The following GDA variants were observed in gnomAD, a reference collection of about 807,000 sequenced individuals.
GDA encodes the protein cytoplasmic PSD-95 interactor.
In GDA, 18 loss-of-function variants were observed where a neutral mutation model predicts 59.6. The observed-to-expected ratio is 0.30, with a 90% confidence interval of 0.21 to 0.45. GDA has a LOEUF of 0.45. GDA is among the 20% of genes least tolerant of loss of function. The probability of loss-of-function intolerance (pLI) is 1.00; values close to 1 mark genes in which losing one functional copy is unlikely to be tolerated. For missense variants in GDA, 427 were observed against 552.3 expected (o/e 0.77, Z 2.27); for synonymous variants, 201 against 201.1 (o/e 1.00, Z 0.00).
chr9:72,219,001 C>G (rs1307165525), intron 5 of GDA, among the ~76,000 whole-genome samples: 2 of 152,172 alleles, frequency 1.3e-5, no homozygotes, highest in Non-Finnish European at 2.9e-5. Flanking sequence ...AGAGTAATTA[C>G]TACTTGTTAA....
At chr9:72,173,331 C>T (rs1393487189) in intron 1 of GDA, among the ~76,000 whole-genome samples, 1 of 151,910 alleles carries the variant, frequency 6.6e-6, no homozygotes, top group African/African-American at 2.4e-5. Context: ...TCTGACTTCC[C>T]CTTCTTTTTT....
intron 1 of GDA, among the ~76,000 whole-genome samples, chr9:72,149,975 C>T (rs988848850): frequency 1.3e-5 from 2 of 152,080 alleles, no homozygotes; most frequent in African/African-American, 2.4e-5. Context: ...ACCCCCCGCT[C>T]CCCCGCCCCC....
At chr9:72,252,290 T>C (rs1456348810), downstream of GDA, 4 of 152,546 alleles carry the variant, frequency 2.6e-5, no homozygotes, top group Non-Finnish European at 5.9e-5. Flanking sequence ...GGAAGAGGAA[T>C]TGATTTTACA....
intron 1 of GDA, among the ~76,000 whole-genome samples, chr9:72,188,132 T>G (rs983728218): frequency 5.3e-5 from 8 of 152,170 alleles, no homozygotes; most frequent in African/African-American, 1.9e-4. Flanking sequence ...TTTGGAAAAT[T>G]TGCAGCCTGG....
intron 2 of GDA, among the ~76,000 whole-genome samples, chr9:72,201,357 A>C (rs553043404): frequency 6.6e-6 from 1 of 152,320 alleles, no homozygotes; most frequent in Non-Finnish European, 1.5e-5. Flanking sequence ...TAGTGAATGT[A>C]CATATTCAGG....
intron 6 of GDA, among the ~76,000 whole-genome samples, chr9:72,221,724 G>A (rs1054725005): frequency 3.3e-5 from 5 of 152,202 alleles, no homozygotes; most frequent in African/African-American, 7.2e-5. Context: ...TCTACCTGCC[G>A]ATAGGCCCCA....
chr9:72,159,295 G>T (rs1828318151), intron 1 of GDA, among the ~76,000 whole-genome samples: 1 of 152,190 alleles, frequency 6.6e-6, no homozygotes, highest in African/African-American at 2.4e-5. Flanking sequence ...TCAGGAGGCT[G>T]AGGGGGAAGA....
At chr9:72,163,561 C>T (rs1275710194) in intron 1 of GDA, among the ~76,000 whole-genome samples, 1 of 151,282 alleles carries the variant, frequency 6.6e-6, no homozygotes, top group Non-Finnish European at 1.5e-5. Context: ...GGCACGATCT[C>T]GGCTCACTGC....
At chr9:72,238,205 T>G (rs1448039778) in intron 10 of GDA, among the ~76,000 whole-genome samples, 1 of 152,176 alleles carries the variant, frequency 6.6e-6, no homozygotes, top group African/African-American at 2.4e-5. Context: ...CTGACTATCC[T>G]CTCTATAAAT....
At chr9:72,178,542 C>T (rs574473819) in intron 1 of GDA, among the ~76,000 whole-genome samples, 16 of 151,958 alleles carry the variant, frequency 1.1e-4, no homozygotes, top group East Asian at 5.8e-4. Context: ...CCTAGCCTCC[C>T]GAGTAGCTGG....
At chr9:72,193,158 A>AT (rs34139960) in intron 1 of GDA, among the ~76,000 whole-genome samples, 32,362 of 148,766 alleles carry the variant, frequency 0.22, 4,158 homozygotes, top group East Asian at 0.56. Context: ...TGGTTAGGTC[A>AT]TTTTTTTTTT....
intron 1 of GDA, among the ~76,000 whole-genome samples, chr9:72,170,949 T>G (rs374223824): frequency 2.1e-4 from 32 of 152,144 alleles, no homozygotes; most frequent in Admixed American, 1.0e-3. Flanking sequence ...CCCAAGTACC[T>G]GGGACTACAG....
At chr9:72,155,352 C>T (rs1827768779) in intron 1 of GDA, among the ~76,000 whole-genome samples, 1 of 152,092 alleles carries the variant, frequency 6.6e-6, no homozygotes, top group Non-Finnish European at 1.5e-5. Flanking sequence ...AAGTTATCGC[C>T]CACTGGGTTC....
In GDA at chr9:72,237,437, T is replaced by C. The variant is rs943093804; in HGVS notation, c.989-3715T>C. Among the ~76,000 whole-genome samples, 5 of 152,336 alleles carry C rather than the reference T, an allele frequency of 3.3e-5. No homozygotes were observed. In the East Asian group the frequency reaches 9.6e-4, roughly 29 times the overall value. ...AGCACCTTCGTTCTTCCCTTCTTTC[T>C]CTTCTCTGAAGGCTGATTCTCTTCC... is the stretch of plus-strand genomic sequence containing the variant. On this transcript the variant is annotated intron_variant, in intron 10 of 13. Coordinates refer to ENST00000358399, the MANE Select transcript of GDA (RefSeq NM_004293.5).
intron 1 of GDA, among the ~76,000 whole-genome samples, chr9:72,170,737 A>G (rs1358074772): frequency 6.6e-6 from 1 of 152,210 alleles, no homozygotes; most frequent in African/African-American, 2.4e-5. Context: ...GTACCGGCCC[A>G]TGATAGGTGA....
intron 1 of GDA, among the ~76,000 whole-genome samples, chr9:72,156,213 G>A (rs1175951072): frequency 6.6e-6 from 1 of 152,204 alleles, no homozygotes; most frequent in Non-Finnish European, 1.5e-5. Context: ...CTTGAAGGAA[G>A]TAGTAGCTGA....
At chr9:72,247,297 T>C (rs2131851021) in intron 12 of GDA, 109 bp from the exon 13 acceptor site, 1 of 778,916 alleles carries the variant, frequency 1.3e-6, no homozygotes, top group East Asian at 2.5e-5. Context: ...GATTTTGCCA[T>C]TGAGAAACAA....
upstream of GDA, among the ~76,000 whole-genome samples, chr9:72,144,608 G>A (rs1372516320): frequency 1.3e-5 from 2 of 152,152 alleles, no homozygotes; most frequent in Non-Finnish European, 2.9e-5. Flanking sequence ...ATAGGGACTA[G>A]CACTATATTC....
chr9:72,121,826 A>G (rs2130577158), intron 1 of GDA, among the ~76,000 whole-genome samples: 1 of 152,216 alleles, frequency 6.6e-6, no homozygotes, highest in Non-Finnish European at 1.5e-5. Flanking sequence ...AACATCACCA[A>G]TTACCTTCTT....
Sources: allele counts gnomAD v4.1 joint callset (sites outside exome capture counted in the v4.1 genomes callset), GRCh38; gene constraint gnomAD v4.1.1; transcripts MANE v1.5; gene names NCBI Gene and HGNC (gene_info 2026-07-23, HGNC 2026-07-21).